WDR37: variants seen among roughly 807,000 people sequenced by gnomAD.
WDR37 encodes the protein WD repeat domain 37.
Under a neutral mutation model 62.9 loss-of-function variants are expected in WDR37, and 19 were observed. That is an observed-to-expected ratio of 0.30 (90% CI 0.21 to 0.44). WDR37 has a LOEUF of 0.44. WDR37 is among the 20% of genes least tolerant of loss of function. The pLI, the probability that WDR37 is intolerant of heterozygous loss-of-function variation, is 1.00. For synonymous variants in WDR37, 250 were observed against 260.9 expected (o/e 0.96, Z 0.40); for missense variants, 474 against 657.6 (o/e 0.72, Z 3.05).
chr10:1,114,043 G>A (rs563141615), intron 11 of WDR37, among the ~76,000 whole-genome samples: 3 of 129,908 alleles, frequency 2.3e-5, no homozygotes, highest in Middle Eastern at 5.3e-3. Flanking sequence ...TGCAACCTCC[G>A]CCTCCCAGGT....
At chr10:1,092,151 A>G (rs1242040525) in intron 7 of WDR37, among the ~76,000 whole-genome samples, 33 of 145,032 alleles carry the variant, frequency 2.3e-4, no homozygotes, top group Non-Finnish European at 1.8e-4. Flanking sequence ...CTGCACTCCA[A>G]CCTGGGAGAC....
rs186053045 is a variant in WDR37 at position 1,098,019 on chromosome 10, G to T, written c.726+1773G>T. ...CTGATGCTGGAATAAGACTTCTGGG[G>T]CTGTTGGGATGGGATGACTGTATTT... is the stretch of plus-strand genomic sequence containing the variant. On this transcript the variant is annotated intron_variant, in intron 9 of 13. Transcript: ENST00000263150. 6.6e-5 allele frequency among the ~76,000 whole-genome samples: 10 copies of T among 152,248 alleles called. No homozygotes were observed. The East Asian group carries it at 1.9e-3, about 29-fold the overall frequency.
intron 2 of WDR37, among the ~76,000 whole-genome samples, chr10:1,077,509 T>C (rs1339516093): frequency 6.6e-6 from 1 of 152,108 alleles, no homozygotes; most frequent in Non-Finnish European, 1.5e-5. Context: ...TCCATGAGGG[T>C]CTAGCAGATT....
chr10:1,071,263 T>C (rs1385060032), intron 1 of WDR37, among the ~76,000 whole-genome samples: 2 of 152,298 alleles, frequency 1.3e-5, no homozygotes, highest in Admixed American at 6.5e-5. Flanking sequence ...GGGTCAGGCA[T>C]TCTTTGACAG....
At chr10:1,104,231 T>TGCCTGGTC (rs1834912543) in intron 10 of WDR37, among the ~76,000 whole-genome samples, 3 of 152,240 alleles carry the variant, frequency 2.0e-5, no homozygotes, top group Admixed American at 2.0e-4. Context: ...GTGAGGGTGC[T>TGCCTGGTC]GCCTGGTCAG....
rs1411373167 is a variant in WDR37 at position 1,071,616 on chromosome 10, G to GT, written c.-40-494dup. ...AGAGGTAATCATAAAATATCCCATT[G>GT]TTTTTTATGTTGACTATAAAATATT... On this transcript the variant is annotated intron_variant, in intron 1 of 13. Coordinates refer to ENST00000263150, the MANE Select transcript of WDR37 (RefSeq NM_014023.4). Among the ~76,000 whole-genome samples, 14 of 152,270 alleles carry GT rather than the reference G, an allele frequency of 9.2e-5. 1 individual carries two copies. In the South Asian group the frequency reaches 2.7e-3, roughly 29 times the overall value.
intron 3 of WDR37, among the ~76,000 whole-genome samples, chr10:1,078,969 G>A (rs574766224): frequency 6.6e-6 from 1 of 152,302 alleles, no homozygotes. Flanking sequence ...GAATAATGAA[G>A]AGAATATAAT....
At chr10:1,110,515 C>T (rs141494514) in intron 11 of WDR37, among the ~76,000 whole-genome samples, 4 of 152,308 alleles carry the variant, frequency 2.6e-5, no homozygotes, top group African/African-American at 4.8e-5. Context: ...TGTGCATCCG[C>T]GCCACAGCAC....
intron 3 of WDR37, 50 bp from the exon 4 acceptor site, chr10:1,079,961 C>A: frequency 6.4e-7 from 1 of 1,553,620 alleles, no homozygotes; most frequent in Non-Finnish European, 8.8e-7. Context: ...GGTGAGTACA[C>A]TTAAACATAA....
chr10:1,060,106 T>C (rs1350475288), intron 1 of WDR37, among the ~76,000 whole-genome samples: 4 of 152,242 alleles, frequency 2.6e-5, no homozygotes, highest in South Asian at 2.1e-4. Flanking sequence ...CCCAAAAGGC[T>C]GGGATTACGG....
At position 1,131,993 on chromosome 10, in the gene WDR37, T is replaced by C. The variant is rs1464882569; in HGVS notation, c.*2649T>C. 6.6e-6 allele frequency: 1 copy of C among 152,640 alleles called. No individual in the cohort carries two copies. The highest frequency in any genetic ancestry group is 1.5e-5 in the Non-Finnish European group (1 of 68,046). 9.5% of individuals were successfully genotyped at this position (152,640 alleles called of 1,614,324 possible). A position where few individuals can be genotyped will look rare whatever the true frequency, so the allele number is the denominator to read the frequency against. On this transcript the variant is annotated 3_prime_UTR_variant, in exon 14 of 14. Coordinates refer to ENST00000263150, the MANE Select transcript of WDR37 (RefSeq NM_014023.4). Reference sequence around the variant, plus strand: ...TGGAATCTGAAGAATCCTATGTAAATCATTTGTTACTTAAGTCTGTGAAAA... The same window carrying C: ...TGGAATCTGAAGAATCCTATGTAAACCATTTGTTACTTAAGTCTGTGAAAA...
At chr10:1,077,021 AGTATT>A (rs1181433411) in intron 2 of WDR37, among the ~76,000 whole-genome samples, 2 of 151,938 alleles carry the variant, frequency 1.3e-5, no homozygotes, top group African/African-American at 4.8e-5. Flanking sequence ...AAAAAAGGTA[AGTATT>A]GAAACACTAT....
At chr10:1,091,544 A>G (rs1485446402) in intron 7 of WDR37, among the ~76,000 whole-genome samples, 1 of 152,176 alleles carries the variant, frequency 6.6e-6, no homozygotes, top group Non-Finnish European at 1.5e-5. Flanking sequence ...ATTTGGTCAA[A>G]TTTCCTATAT....
chr10:1,091,009 G>T (rs762356440), intron 7 of WDR37, among the ~76,000 whole-genome samples: 2 of 152,224 alleles, frequency 1.3e-5, no homozygotes, highest in African/African-American at 4.8e-5. Context: ...CGAGGGCCTC[G>T]TTATACAGGC....
At chr10:1,066,515 A>C (rs1277868269) in intron 1 of WDR37, among the ~76,000 whole-genome samples, 1 of 152,192 alleles carries the variant, frequency 6.6e-6, no homozygotes, top group African/African-American at 2.4e-5. Flanking sequence ...TAATAAATAT[A>C]CCATTTCTCC....
Position 1,125,003 on chromosome 10 carries a change from G to T in WDR37, c.1332G>T (p.Arg444=). 3.1e-6 allele frequency: 5 copies of T among 1,614,226 alleles called. No homozygotes were observed. The highest frequency in any genetic ancestry group is 3.4e-6 in the Non-Finnish European group (4 of 1,180,040). Residue 444 remains arginine, a synonymous_variant, in exon 13 of 14, where the codon CGG becomes CGT. Coordinates refer to ENST00000263150, the MANE Select transcript of WDR37 (RefSeq NM_014023.4). ...LFDMSGVRLA[R]LPRSSRQGHR... Reference sequence around the variant, plus strand: ...ATATGTCAGGAGTGCGCCTGGCGCGGCTTCCCCGGAGCAGCCGACAGGTAA... The same window carrying T: ...ATATGTCAGGAGTGCGCCTGGCGCGTCTTCCCCGGAGCAGCCGACAGGTAA...
chr10:1,072,411 TG>T, intron 2 of WDR37, 118 bp downstream of exon 2: 2 of 1,368,694 alleles, frequency 1.5e-6, no homozygotes, highest in Non-Finnish European at 2.0e-6. Context: ...ACCTCCTGGG[TG>T]GAAGTGATTC....
intron 11 of WDR37, among the ~76,000 whole-genome samples, chr10:1,109,481 C>G (rs1589114774): frequency 1.3e-5 from 2 of 152,010 alleles, no homozygotes; most frequent in African/African-American, 2.4e-5. Flanking sequence ...AATCCCAGCA[C>G]TTTGGGGATC....
rs201454691 is a variant in WDR37 at position 1,122,086 on chromosome 10, CGCATAGA to C, written c.1104-2127_1104-2121del. The stretch of plus-strand genomic sequence containing the variant: ...GCGTGGTGCTTCTCTCATCCAGGGC[CGCATAGA>C]GCATGAAATCCCATGTCACGGTACA... On this transcript the variant is annotated intron_variant, in intron 11 of 13. Coordinates refer to ENST00000263150, the MANE Select transcript of WDR37 (RefSeq NM_014023.4). Among the ~76,000 whole-genome samples the C allele has an allele frequency of 2.5e-3, 379 of 152,070 alleles. 3 individuals are homozygous for C. Among genetic ancestry groups the C allele is most frequent in the East Asian group, 0.013 (66 of 5,154 alleles).
Sources: allele counts gnomAD v4.1 joint callset (sites outside exome capture counted in the v4.1 genomes callset), GRCh38; gene constraint gnomAD v4.1.1; transcripts MANE v1.5; gene names NCBI Gene and HGNC (gene_info 2026-07-23, HGNC 2026-07-21).